The following S100PBP variants were observed in gnomAD, a reference collection of about 807,000 sequenced individuals.
The protein encoded by S100PBP is S100P binding protein, also known as S100P-binding protein.
Under a neutral mutation model 39.9 loss-of-function variants are expected in S100PBP, and 15 were observed. The observed-to-expected ratio is 0.38, with a 90% CI of 0.25 to 0.58. The LOEUF is 0.58. S100PBP is among the 20% of genes least tolerant of loss of function. S100PBP has a pLI of 0.70. For synonymous variants in S100PBP, 178 were observed against 180.3 expected (o/e 0.99, Z 0.10); for missense variants, 504 against 487.3 (o/e 1.03, Z -0.32).
intron 5 of S100PBP, chr1:32,837,175 A>AG (rs1489290887): frequency 6.6e-6 from 1 of 150,800 alleles, no homozygotes; most frequent in Non-Finnish European, 1.5e-5. Context: ...AAAAAAAAAA[A>AG]AAAGAAATTT....
intron 1 of S100PBP, among the ~76,000 whole-genome samples, chr1:32,824,631 C>G (rs1322735398): frequency 6.6e-6 from 1 of 150,974 alleles, no homozygotes; most frequent in East Asian, 1.9e-4. Context: ...GATATGATGA[C>G]TGCTCTCTGC....
intron 5 of S100PBP, among the ~76,000 whole-genome samples, chr1:32,851,303 G>A (rs1351013683): frequency 2.0e-5 from 3 of 152,160 alleles, no homozygotes; most frequent in Non-Finnish European, 4.4e-5. Flanking sequence ...CGAAAGCACA[G>A]TAGATAAGGT....
intron 5 of S100PBP, among the ~76,000 whole-genome samples, chr1:32,839,048 C>G (rs1225355314): frequency 6.6e-6 from 1 of 152,152 alleles, no homozygotes; most frequent in East Asian, 1.9e-4. Flanking sequence ...TCCTCCTCAG[C>G]CTCCTGAGTG....
intron 5 of S100PBP, among the ~76,000 whole-genome samples, chr1:32,832,221 C>T (rs1040501027): frequency 6.6e-6 from 1 of 151,960 alleles, no homozygotes; most frequent in Non-Finnish European, 1.5e-5. Flanking sequence ...GCTCTAGTAA[C>T]TAACATTTAT....
chr1:32,849,968 G>A (rs1414783654), intron 5 of S100PBP, among the ~76,000 whole-genome samples: 1 of 152,098 alleles, frequency 6.6e-6, no homozygotes, highest in Non-Finnish European at 1.5e-5. Context: ...CTAGCACATA[G>A]GACAGTGCCT....
At chr1:32,841,391 G>A (rs1640088813) in intron 5 of S100PBP, among the ~76,000 whole-genome samples, 1 of 151,376 alleles carries the variant, frequency 6.6e-6, no homozygotes, top group African/African-American at 2.4e-5. Flanking sequence ...ATTTTTCTTG[G>A]TAGTCACTGG....
intron 5 of S100PBP, among the ~76,000 whole-genome samples, chr1:32,830,330 C>T (rs761831001): frequency 1.3e-5 from 2 of 150,960 alleles, no homozygotes; most frequent in Non-Finnish European, 2.9e-5. Flanking sequence ...GGGCTTTAAC[C>T]CAGACCGGTA....
rs543773801 is a variant in S100PBP, at chr1:32,830,040, A to C, written c.997A>C (p.Ile333Leu). 3.1e-6 allele frequency: 5 copies of C among 1,613,018 alleles called. No homozygotes were observed. The highest frequency in any genetic ancestry group is 4.2e-6 in the Non-Finnish European group (5 of 1,179,062). The change falls in exon 5 of 7, where the codon ATA becomes CTA. Residue 333 changes from isoleucine to leucine, a missense_variant. Transcript: ENST00000373475. ...QLYLRSVIAH[I>L]EDPEDTNQGI... ...TTATCTCAGGAGTGTCATTGCTCAT[A>C]TAGAAGACCCAGAGGACACTAACCA...
chr1:32,833,898 A>G (rs970840709), intron 5 of S100PBP: 1 of 171,288 alleles, frequency 5.8e-6, no homozygotes, highest in Non-Finnish European at 1.4e-5. Flanking sequence ...TGAAATTAAG[A>G]TTTTTAATGA....
chr1:32,829,999 A>C lies in S100PBP; in HGVS notation c.956A>C (p.Glu319Ala), dbSNP rs141484768. Residue 319 changes from glutamate (E) to alanine (A), a missense_variant, in exon 5 of 7, where the codon GAA becomes GCA. Coordinates refer to ENST00000373475, the MANE Select transcript of S100PBP (RefSeq NM_022753.4). ...NVPTFSQSNL[E>A]QQKQLYLRSV... ...CCGACGTTTTCACAGTCAAATCTAGAACAGCAGAAGCAGCTTTATCTCAGG... is the reference window on the plus strand; with the variant it reads ...CCGACGTTTTCACAGTCAAATCTAGCACAGCAGAAGCAGCTTTATCTCAGG... 2 of 1,614,112 alleles carry C rather than the reference A, an allele frequency of 1.2e-6. No homozygotes were observed. Among genetic ancestry groups the C allele is most frequent in the East Asian group, 4.5e-5 (2 of 44,874 alleles).
In S100PBP at chr1:32,826,911, T is replaced by C; in HGVS notation, c.812T>C (p.Val271Ala). Reference sequence around the variant, plus strand: ...AGTTGTGAAATGAGATCTCTGGTTGTTTCCACCTCATCAAACAAAGTAAGT... The same window carrying C: ...AGTTGTGAAATGAGATCTCTGGTTGCTTCCACCTCATCAAACAAAGTAAGT... ...KSSCEMRSLVVSTSSNKQDVL... is the reference protein window; with the variant it reads ...KSSCEMRSLVASTSSNKQDVL... Residue 271 changes from valine to alanine, a missense_variant, in exon 3 of 7, where the codon GTT becomes GCT. Val to Ala is a moderately conservative substitution (Grantham distance 64, BLOSUM62 0). Coordinates refer to ENST00000373475, the MANE Select transcript of S100PBP (RefSeq NM_022753.4). The C allele has an allele frequency of 6.3e-7, 1 of 1,582,908 alleles. No homozygotes were observed. The highest frequency in any genetic ancestry group is 8.6e-7 in the Non-Finnish European group (1 of 1,167,238).
chr1:32,822,429 A>G (rs972824561), intron 1 of S100PBP, among the ~76,000 whole-genome samples: 1 of 151,974 alleles, frequency 6.6e-6, no homozygotes, highest in Non-Finnish European at 1.5e-5. Flanking sequence ...CCTGGCTAAC[A>G]CTGTGAAACC....
intron 5 of S100PBP, among the ~76,000 whole-genome samples, chr1:32,841,288 T>C (rs1640084175): frequency 6.6e-6 from 1 of 152,222 alleles, no homozygotes; most frequent in African/African-American, 2.4e-5. Context: ...TCTCCCAGTA[T>C]ATGCCTTGTC....
chr1:32,825,856 C>T (rs1639297976), intron 2 of S100PBP, among the ~76,000 whole-genome samples: 1 of 152,230 alleles, frequency 6.6e-6, no homozygotes, highest in African/African-American at 2.4e-5. Flanking sequence ...TTCTCCACAT[C>T]CTCACCAATC....
intron 4 of S100PBP, among the ~76,000 whole-genome samples, chr1:32,828,729 G>A (rs544235501): frequency 6.6e-6 from 1 of 152,172 alleles, no homozygotes; most frequent in East Asian, 1.9e-4. Flanking sequence ...GGCCGGGCGC[G>A]GTGGCTCACA....
At position 32,826,146 on chromosome 1, in the gene S100PBP, T is replaced by G; in HGVS notation, c.47T>G (p.Leu16Arg). ...VPSEQSSGTSLLPKDGAPFSW... is the reference protein window; with the variant it reads ...VPSEQSSGTSRLPKDGAPFSW... ...TCTGAACAGTCTTCTGGTACCTCTC[T>G]CTTGCCTAAAGACGGTGCCCCATTT... The change falls in exon 3 of 7, where the codon CTC becomes CGC. Residue 16 changes from leucine (L) to arginine (R), a missense_variant. Transcript: ENST00000373475. 6.2e-7 allele frequency: 1 copy of G among 1,614,082 alleles called. No homozygotes were observed. The highest frequency in any genetic ancestry group is 8.5e-7 in the Non-Finnish European group (1 of 1,179,984).
intron 1 of S100PBP, chr1:32,824,753 A>G (rs924805516): frequency 7.3e-5 from 11 of 149,678 alleles, no homozygotes; most frequent in Non-Finnish European, 1.5e-5. Flanking sequence ...TTGTAGAGAC[A>G]GCATTTCACG....
intron 5 of S100PBP, chr1:32,834,758 C>T (rs1328572823): frequency 2.0e-5 from 3 of 152,158 alleles, no homozygotes; most frequent in Non-Finnish European, 2.9e-5. Context: ...ATATCCTGTT[C>T]CCCAACAACT....
intron 5 of S100PBP, among the ~76,000 whole-genome samples, chr1:32,849,334 A>C (rs575301863): frequency 6.6e-6 from 1 of 152,020 alleles, no homozygotes; most frequent in Non-Finnish European, 1.5e-5. Flanking sequence ...ACGGGGTTTC[A>C]CCATGTTGCC....
Sources: gnomAD v4.1 joint callset for allele counts (sites outside exome capture counted in the v4.1 genomes callset) on GRCh38, gnomAD v4.1.1 for gene constraint, MANE v1.5 for transcripts, NCBI Gene and HGNC (gene_info 2026-07-23, HGNC 2026-07-21) for gene names.